Variants in CDH12 observed in about 807,000 individuals in gnomAD.
CDH12 encodes the protein cadherin 12.
In CDH12, 41 loss-of-function variants were observed where a neutral mutation model predicts 74.1. The ratio of observed to expected loss-of-function variants is 0.55; its 90% confidence interval spans 0.43 to 0.72. The LOEUF is 0.72. Ranked by LOEUF, CDH12 falls within the 30% of genes least tolerant of loss-of-function variation. The pLI is 0.00. For synonymous variants in CDH12, 399 were observed against 355.0 expected, an observed-to-expected ratio of 1.12 and a Z score of -1.39; for missense variants, 945 against 977.2, an observed-to-expected ratio of 0.97 and a Z score of 0.44.
intron 12 of CDH12, among the ~76,000 whole-genome samples, chr5:21,762,781 T>A (rs1406971030): frequency 6.6e-6 from 1 of 152,076 alleles, no homozygotes; most frequent in Non-Finnish European, 1.5e-5. Context: ...TGGAGCTCTA[T>A]TCCCAAAGGC....
At chr5:22,129,702 G>A (rs996886772) in intron 4 of CDH12, among the ~76,000 whole-genome samples, 5 of 151,668 alleles carry the variant, frequency 3.3e-5, no homozygotes, top group African/African-American at 9.7e-5. Flanking sequence ...TTTTTCATTC[G>A]AAATAAATTT....
intron 4 of CDH12, among the ~76,000 whole-genome samples, chr5:22,115,495 T>C (rs538159741): frequency 2.0e-5 from 3 of 152,314 alleles, no homozygotes; most frequent in South Asian, 2.1e-4. Flanking sequence ...AGTTTTTTAC[T>C]GGTTGTACTT....
chr5:22,520,992 T>TTTC (rs1491551689), intron 1 of CDH12, among the ~76,000 whole-genome samples: 2 of 101,736 alleles, frequency 2.0e-5, no homozygotes, highest in Non-Finnish European at 2.0e-5. Flanking sequence ...TCTTTCTTTC[T>TTTC]TTTTTTTTTT....
chr5:22,658,337 A>T (rs1436703278), intron 1 of CDH12, among the ~76,000 whole-genome samples: 1 of 152,162 alleles, frequency 6.6e-6, no homozygotes, highest in Non-Finnish European at 1.5e-5. Context: ...AACGACTGTG[A>T]TAAAGCAAAC....
chr5:22,047,009 C>T (rs1740000291), intron 5 of CDH12, among the ~76,000 whole-genome samples: 1 of 152,148 alleles, frequency 6.6e-6, no homozygotes, highest in African/African-American at 2.4e-5. Flanking sequence ...TGTTTGGTGG[C>T]ATCTCCCCAA....
intron 5 of CDH12, among the ~76,000 whole-genome samples, chr5:21,994,316 G>GGAAA (rs34398011): frequency 6.6e-6 from 1 of 151,644 alleles, no homozygotes; most frequent in Non-Finnish European, 1.5e-5. Context: ...ATTAAGAAAA[G>GGAAA]AAGAAAGGAG....
chr5:22,224,438 A>T (rs1015975065), intron 3 of CDH12, among the ~76,000 whole-genome samples: 1 of 152,062 alleles, frequency 6.6e-6, no homozygotes, highest in Non-Finnish European at 1.5e-5. Context: ...TAATTTTAAA[A>T]ACGATAAACT....
intron 1 of CDH12, among the ~76,000 whole-genome samples, chr5:22,843,818 G>A (rs1011222681): frequency 3.9e-5 from 6 of 152,016 alleles, no homozygotes; most frequent in African/African-American, 7.2e-5. Context: ...TCTAAAGAAA[G>A]CAATTATCAT....
intron 9 of CDH12, among the ~76,000 whole-genome samples, chr5:21,812,384 C>T (rs1182800162): frequency 6.6e-6 from 1 of 152,024 alleles, no homozygotes; most frequent in Non-Finnish European, 1.5e-5. Context: ...AAAACCTTAA[C>T]AAATAATTTA....
chr5:22,293,556 T>A (rs1341831540), intron 3 of CDH12, among the ~76,000 whole-genome samples: 1 of 152,078 alleles, frequency 6.6e-6, no homozygotes, highest in East Asian at 1.9e-4. Flanking sequence ...AGCCAAGATA[T>A]GAAATAAATC....
intron 1 of CDH12, among the ~76,000 whole-genome samples, chr5:22,535,994 T>C (rs569393112): frequency 7.9e-5 from 12 of 152,242 alleles, no homozygotes; most frequent in Non-Finnish European, 1.6e-4. Context: ...TTGTCTTAGG[T>C]ATTACATTTT....
intron 1 of CDH12, among the ~76,000 whole-genome samples, chr5:22,562,421 G>A (rs942973481): frequency 1.3e-5 from 2 of 152,054 alleles, no homozygotes; most frequent in African/African-American, 2.4e-5. Flanking sequence ...TGAAATTGGC[G>A]TGGGCAATCG....
intron 4 of CDH12, among the ~76,000 whole-genome samples, chr5:22,173,415 A>G (rs2150330674): frequency 6.8e-6 from 1 of 147,196 alleles, no homozygotes; most frequent in African/African-American, 2.5e-5. Context: ...ATTAATAAAT[A>G]TTAAATAAAT....
chr5:22,400,311 C>A (rs190822700), intron 3 of CDH12, among the ~76,000 whole-genome samples: 160 of 152,096 alleles, frequency 1.1e-3, no homozygotes, highest in African/African-American at 3.7e-3. Context: ...ACATCTTGAT[C>A]TGATAAAGAG....
intron 1 of CDH12, among the ~76,000 whole-genome samples, chr5:22,763,607 A>G (rs972929524): frequency 6.6e-6 from 1 of 151,914 alleles, no homozygotes; most frequent in Admixed American, 6.6e-5. Context: ...ATTCTCTTCT[A>G]TATAGTGACT....
chr5:21,840,674 C>A (rs1258164671), intron 8 of CDH12, among the ~76,000 whole-genome samples: 1 of 151,930 alleles, frequency 6.6e-6, no homozygotes, highest in East Asian at 1.9e-4. Flanking sequence ...ATCAATGGAA[C>A]AGAACAGAGC....
chr5:22,263,368 G>A (rs777063492), intron 3 of CDH12, among the ~76,000 whole-genome samples: 1 of 152,018 alleles, frequency 6.6e-6, no homozygotes, highest in East Asian at 1.9e-4. Context: ...AAAAGAGTAG[G>A]GTAAAGGATA....
intron 5 of CDH12, among the ~76,000 whole-genome samples, chr5:22,074,116 G>C (rs1225277638): frequency 6.6e-6 from 1 of 151,940 alleles, no homozygotes; most frequent in Non-Finnish European, 1.5e-5. Context: ...GCAATGTGAA[G>C]ACGATGAGGA....
chr5:22,309,048 C>G (rs1256871840), intron 3 of CDH12, among the ~76,000 whole-genome samples: 6 of 151,988 alleles, frequency 3.9e-5, no homozygotes, highest in African/African-American at 1.4e-4. Flanking sequence ...TGCAACAAGA[C>G]AGAACCATAC....
Sources: gnomAD v4.1 joint callset for allele counts (sites outside exome capture counted in the v4.1 genomes callset) on GRCh38, gnomAD v4.1.1 for gene constraint, MANE v1.5 for transcripts, NCBI Gene and HGNC (gene_info 2026-07-23, HGNC 2026-07-21) for gene names.